Variants in CCDC80 observed in about 807,000 individuals in gnomAD.
The protein encoded by CCDC80 is coiled-coil domain-containing protein 80.
CCDC80 carries 49 observed loss-of-function variants against 78.7 expected under a neutral mutation model. The observed-to-expected ratio is 0.62, with a 90% confidence interval of 0.50 to 0.79. The LOEUF (loss-of-function observed/expected upper bound fraction) is 0.79. Among genes scored for constraint, CCDC80 ranks in the 30% least tolerant of loss-of-function variants. The pLI, the probability that CCDC80 is intolerant of heterozygous loss-of-function variation, is 0.00. For missense variants in CCDC80, 1,205 were observed against 1,198.6 expected (o/e 1.01, Z -0.08); for synonymous variants, 488 against 447.0 (o/e 1.09, Z -1.16).
chr3:112,622,044 A>G (rs368242883), intron 3 of CCDC80, among the ~76,000 whole-genome samples: 19 of 152,132 alleles, frequency 1.2e-4, no homozygotes, highest in African/African-American at 4.3e-4. Flanking sequence ...GACTTGCTCA[A>G]GTTCACATTG....
At chr3:112,635,934 T>A (rs1035275951) in intron 2 of CCDC80, among the ~76,000 whole-genome samples, 5 of 152,204 alleles carry the variant, frequency 3.3e-5, no homozygotes, top group Admixed American at 3.3e-4. Context: ...ATGAAAAGTA[T>A]GACTAATATC....
intron 6 of CCDC80, among the ~76,000 whole-genome samples, chr3:112,608,099 G>T (rs1330875955): frequency 6.6e-6 from 1 of 152,230 alleles, no homozygotes; most frequent in Admixed American, 6.5e-5. Context: ...TTGGTAGCTT[G>T]TTGGAATTCT....
chr3:112,639,969 A>G, intron 1 of CCDC80, 53 bp from the exon 2 acceptor site: 1 of 1,536,590 alleles, frequency 6.5e-7, no homozygotes, highest in Non-Finnish European at 8.7e-7. Context: ...AAAAGAAAGA[A>G]AATTATTTAT....
chr3:112,623,548 A>C (rs1309062849), intron 3 of CCDC80, among the ~76,000 whole-genome samples: 4 of 152,182 alleles, frequency 2.6e-5, no homozygotes, highest in African/African-American at 9.7e-5. Flanking sequence ...GCTTGTTAAA[A>C]TTACAATTCT....
Position 112,638,054 on chromosome 3 carries a change from A to G in CCDC80, c.1852T>C (p.Ser618Pro), listed in dbSNP as rs765328897. 118 of 1,606,802 alleles carry G rather than the reference A, an allele frequency of 7.3e-5. No homozygotes were observed. The highest frequency in any genetic ancestry group is 9.3e-5 in the Non-Finnish European group (109 of 1,178,134). The change falls in exon 2 of 8, where the codon TCC becomes CCC. Residue 618 changes from serine (S) to proline (P), a missense_variant. Transcript: ENST00000206423. Reference sequence around the variant, plus strand: ...AGGAGTCTTCGTTTGCCTTCAAAGGACCCCAGCAGGTCGGCCACTGACTTC... The same window carrying G: ...AGGAGTCTTCGTTTGCCTTCAAAGGGCCCCAGCAGGTCGGCCACTGACTTC... ...PKKSVADLLG[S>P]FEGKRRLLLI...
chr3:112,619,133 TG>T, intron 3 of CCDC80, 29 bp from the exon 4 acceptor site: 3 of 1,532,548 alleles, frequency 2.0e-6, no homozygotes, highest in Non-Finnish European at 2.6e-6. Flanking sequence ...TGAATGAATA[TG>T]GGTGTGGCAA....
Position 112,597,974 on chromosome 3 carries a change from G to C in CCDC80, c.*7443C>G, listed in dbSNP as rs1383314814. The C allele has an allele frequency of 6.6e-6, 1 of 152,182 alleles. No individual in the cohort carries two copies. The highest frequency in any genetic ancestry group is 1.5e-5 in the Non-Finnish European group (1 of 68,042). 9.4% of individuals were successfully genotyped at this position (152,182 alleles called of 1,614,324 possible). The stretch of plus-strand genomic sequence containing the variant: ...ATAGAATAGTATAAATACAATAAAT[G>C]TTTGAATTATCGTATAACTTGAGTC... On this transcript the variant is annotated 3_prime_UTR_variant, in exon 8 of 8. Coordinates refer to ENST00000206423, the MANE Select transcript of CCDC80 (RefSeq NM_199511.3).
intron 3 of CCDC80, among the ~76,000 whole-genome samples, chr3:112,627,490 T>C (rs975823331): frequency 6.6e-6 from 1 of 152,230 alleles, no homozygotes; most frequent in Non-Finnish European, 1.5e-5. Context: ...CGGCCCACAC[T>C]GTAGTTGGAT....
chr3:112,637,092 C>G (rs6794217), intron 2 of CCDC80, among the ~76,000 whole-genome samples: 1 of 152,122 alleles, frequency 6.6e-6, no homozygotes, highest in Non-Finnish European at 1.5e-5. Flanking sequence ...ATGGCCAAAA[C>G]AGAGAGTTGC....
At chr3:112,616,879 T>C (rs758963008) in intron 4 of CCDC80, 21 bp from the exon 5 acceptor site, 1 of 1,610,614 alleles carries the variant, frequency 6.2e-7, no homozygotes. Flanking sequence ...AAAAACAGAA[T>C]GCATTTAATG....
intron 5 of CCDC80, among the ~76,000 whole-genome samples, chr3:112,611,342 C>G (rs927409954): frequency 6.6e-6 from 1 of 152,192 alleles, no homozygotes; most frequent in African/African-American, 2.4e-5. Flanking sequence ...TCTTAATCTG[C>G]AGGCTTCTGG....
intron 5 of CCDC80, among the ~76,000 whole-genome samples, chr3:112,613,096 ATACACT>A (rs1935665064): frequency 6.6e-6 from 1 of 152,102 alleles, no homozygotes; most frequent in Admixed American, 6.5e-5. Flanking sequence ...TTAAACAAAA[ATACACT>A]TACTATGTTC....
At chr3:112,618,601 G>T (rs1280584672) in intron 4 of CCDC80, among the ~76,000 whole-genome samples, 1 of 152,110 alleles carries the variant, frequency 6.6e-6, no homozygotes, top group Non-Finnish European at 1.5e-5. Context: ...ACCCCTCTGA[G>T]ATAGGCCTAT....
Position 112,603,540 on chromosome 3 carries a change from T to C in CCDC80, c.*1877A>G, listed in dbSNP as rs1194467135. 1 of 146,706 alleles carries C rather than the reference T, an allele frequency of 6.8e-6. No homozygotes were observed. The highest frequency in any genetic ancestry group is 1.9e-4 in the East Asian group (1 of 5,136). 9.1% of individuals were successfully genotyped at this position (146,706 alleles called of 1,614,324 possible). On this transcript the variant is annotated 3_prime_UTR_variant, in exon 8 of 8. Transcript: ENST00000206423. ...GAAAAAAATATATATATATATAATA[T>C]ATATTATATATTTTATATATGTATA...
At chr3:112,616,671 T>G in intron 5 of CCDC80, 39 bp downstream of exon 5, 3 of 1,612,060 alleles carry the variant, frequency 1.9e-6, no homozygotes, top group Non-Finnish European at 2.5e-6. Context: ...TCAGAACAAA[T>G]TTGCACCTTC....
chr3:112,636,322 TCTGAGAA>T lies in CCDC80; in HGVS notation c.1878+1699_1878+1705del, dbSNP rs879807555. On this transcript the variant is annotated intron_variant, in intron 2 of 7. Transcript: ENST00000206423. ...AACATTCCCATTTAAATATATGTAC[TCTGAGAA>T]TATCCAAGCGACCTGATAACCCAAG... Among the ~76,000 whole-genome samples, 809 of 152,312 alleles carry T rather than the reference TCTGAGAA, an allele frequency of 5.3e-3. 2 individuals are homozygous for T. Among genetic ancestry groups the T allele is most frequent in the Admixed American group, 9.5e-3 (146 of 15,300 alleles).
intron 5 of CCDC80, among the ~76,000 whole-genome samples, chr3:112,610,983 G>A (rs1192008360): frequency 3.5e-5 from 5 of 142,210 alleles, no homozygotes; most frequent in African/African-American, 5.3e-5. Context: ...GCATGAACTC[G>A]GCTCACTGCA....
chr3:112,616,449 G>GAAAAAAAAAAAAAAAAAA (rs59366104), intron 5 of CCDC80, among the ~76,000 whole-genome samples: 18 of 133,642 alleles, frequency 1.3e-4, no homozygotes, highest in African/African-American at 1.6e-4. Context: ...AAAAAGAAAA[G>GAAAAAAAAAAAAAAAAAA]AAAAAAAAAA....
At chr3:112,619,407 G>A (rs1935818007) in intron 3 of CCDC80, among the ~76,000 whole-genome samples, 1 of 152,184 alleles carries the variant, frequency 6.6e-6, no homozygotes, top group South Asian at 2.1e-4. Flanking sequence ...ATACCTAGGA[G>A]AAGACTGCAA....
Sources: gnomAD v4.1 joint callset for allele counts (sites outside exome capture counted in the v4.1 genomes callset) on GRCh38, gnomAD v4.1.1 for gene constraint, MANE v1.5 for transcripts, NCBI Gene and HGNC (gene_info 2026-07-23, HGNC 2026-07-21) for gene names.